PTPRD: variants seen among roughly 807,000 people sequenced by gnomAD.
PTPRD encodes the protein protein tyrosine phosphatase receptor type D.
A neutral mutation model predicts 214.5 loss-of-function variants in PTPRD; 34 were observed. The observed-to-expected ratio is 0.16, with a 90% CI of 0.12 to 0.21. PTPRD has a LOEUF of 0.21. Among genes scored for constraint, PTPRD ranks in the 10% least tolerant of loss-of-function variants. The probability of loss-of-function intolerance (pLI) is 1.00; values close to 1 mark genes in which losing one functional copy is unlikely to be tolerated. For synonymous variants in PTPRD, 1,128 were observed against 845.7 expected (o/e 1.33, Z -5.79); for missense variants, 2,545 against 2,398.7 (o/e 1.06, Z -1.27).
intron 2 of PTPRD, among the ~76,000 whole-genome samples, chr9:10,431,470 G>A (rs1231876349): frequency 4.6e-5 from 7 of 151,946 alleles, no homozygotes; most frequent in South Asian, 4.1e-4. Flanking sequence ...CTGCACAGCA[G>A]AAGAAACTAC....
chr9:9,721,965 G>A (rs2097957587), intron 7 of PTPRD, among the ~76,000 whole-genome samples: 1 of 151,764 alleles, frequency 6.6e-6, no homozygotes, highest in Non-Finnish European at 1.5e-5. Context: ...TAAATATTTT[G>A]GTTTATGCCT....
At chr9:9,183,253 A>C (rs1485329212) in intron 10 of PTPRD, 51 bp downstream of exon 10, 2 of 152,028 alleles carry the variant, frequency 1.3e-5, no homozygotes, top group African/African-American at 2.4e-5. Context: ...TACTGTATTA[A>C]GTATTAGGAC....
chr9:8,830,518 G>C (rs1393567961), intron 11 of PTPRD, among the ~76,000 whole-genome samples: 2 of 152,054 alleles, frequency 1.3e-5, no homozygotes, highest in African/African-American at 4.8e-5. Flanking sequence ...GGACAGATGA[G>C]AGGTTTCAAG....
chr9:9,795,083 C>T (rs1476679785), intron 5 of PTPRD, among the ~76,000 whole-genome samples: 1 of 152,182 alleles, frequency 6.6e-6, no homozygotes, highest in African/African-American at 2.4e-5. Flanking sequence ...GTGGGCTTCA[C>T]ATGATCATAT....
intron 9 of PTPRD, among the ~76,000 whole-genome samples, chr9:9,355,092 GAATGAGTTGTATAC>G (rs1237347353): frequency 6.6e-6 from 1 of 151,696 alleles, no homozygotes; most frequent in Non-Finnish European, 1.5e-5. Context: ...GCTTTATTAA[GAATGAGTTGTATAC>G]AATTTGGTGA....
intron 8 of PTPRD, among the ~76,000 whole-genome samples, chr9:9,558,883 T>C (rs1369692196): frequency 6.6e-6 from 1 of 152,176 alleles, no homozygotes; most frequent in Non-Finnish European, 1.5e-5. Context: ...TCAGGCCCCA[T>C]GACCTTAGGC....
chr9:9,467,723 T>A (rs529486012), intron 8 of PTPRD, among the ~76,000 whole-genome samples: 1 of 152,066 alleles, frequency 6.6e-6, no homozygotes. Flanking sequence ...CTATAGTTTA[T>A]CTTTTAAAAA....
intron 9 of PTPRD, among the ~76,000 whole-genome samples, chr9:9,327,665 T>C (rs1569567405): frequency 1.3e-5 from 2 of 151,988 alleles, no homozygotes; most frequent in African/African-American, 4.8e-5. Flanking sequence ...TGGGAAATAA[T>C]AACAATAATA....
chr9:10,484,744 G>C (rs1566422152), intron 2 of PTPRD, among the ~76,000 whole-genome samples: 1 of 151,830 alleles, frequency 6.6e-6, no homozygotes. Flanking sequence ...AGTTGTTTGA[G>C]CTCCTTATGT....
chr9:9,599,319 C>G (rs1041320084), intron 7 of PTPRD, among the ~76,000 whole-genome samples: 1 of 152,066 alleles, frequency 6.6e-6, no homozygotes, highest in Non-Finnish European at 1.5e-5. Flanking sequence ...ACACAATTTA[C>G]AGATGCCCAC....
Position 10,511,974 on chromosome 9 carries a change from G to GTA in PTPRD, c.-600+100423_-600+100424insTA, listed in dbSNP as rs1276123845. 9.9e-3 allele frequency among the ~76,000 whole-genome samples: 489 copies of GTA among 49,204 alleles called. 16 individuals carry two copies. Among genetic ancestry groups the GTA allele is most frequent in the African/African-American group, 0.025 (375 of 15,028 alleles). 32.3% of individuals were successfully genotyped at this position (49,204 alleles called of 152,430 possible). On this transcript the variant is annotated intron_variant, in intron 2 of 45. Transcript: ENST00000381196. Reference sequence around the variant, plus strand: ...TGTGTGTATATATATATACGTGTGTGTGTATATATATATACGTGTGTGTAT... The same window carrying GTA: ...TGTGTGTATATATATATACGTGTGTGTATGTATATATATATACGTGTGTGTAT...
rs549606802 is a variant in PTPRD, at chr9:9,736,027, T to C, written c.-325-1456A>G. Among the ~76,000 whole-genome samples, 10 of 152,244 alleles carry C rather than the reference T, an allele frequency of 6.6e-5. No homozygotes were observed. In the South Asian group the frequency reaches 2.1e-3, roughly 32 times the overall value. On this transcript the variant is annotated intron_variant, in intron 6 of 45. Coordinates refer to ENST00000381196, the MANE Select transcript of PTPRD (RefSeq NM_002839.4). ...CTGTCACACTGGGTAAGTGTATATG[T>C]ATATACAAAGATACATGTGCAGAGA...
intron 8 of PTPRD, among the ~76,000 whole-genome samples, chr9:9,532,632 C>T (rs1232066342): frequency 6.6e-6 from 1 of 152,136 alleles, no homozygotes; most frequent in Admixed American, 6.6e-5. Flanking sequence ...GCTGCTGCTT[C>T]CCATGACATG....
At chr9:8,529,987 C>T (rs985930177) in intron 14 of PTPRD, among the ~76,000 whole-genome samples, 14 of 152,018 alleles carry the variant, frequency 9.2e-5, no homozygotes, top group African/African-American at 3.4e-4. Flanking sequence ...TCATAAGCCA[C>T]CAATTCTAAA....
At chr9:10,369,125 G>T (rs116024416) in intron 2 of PTPRD, among the ~76,000 whole-genome samples, 63 of 152,116 alleles carry the variant, frequency 4.1e-4, no homozygotes, top group African/African-American at 1.5e-3. Context: ...GTATAGACTA[G>T]TTCTTGTTTC....
chr9:9,052,152 C>T (rs1007541692), intron 10 of PTPRD, among the ~76,000 whole-genome samples: 22 of 152,156 alleles, frequency 1.4e-4, no homozygotes, highest in Non-Finnish European at 2.4e-4. Flanking sequence ...CACCTTCTCG[C>T]TGTGCTCCCA....
At chr9:8,697,856 C>G (rs889333751) in intron 12 of PTPRD, among the ~76,000 whole-genome samples, 2 of 152,042 alleles carry the variant, frequency 1.3e-5, no homozygotes, top group Non-Finnish European at 2.9e-5. Flanking sequence ...GTTATCAAAA[C>G]TTTCTACCAG....
rs548792712 is a variant in PTPRD at position 9,668,147 on chromosome 9, G to C, written c.-287+66386C>G. 2.5e-3 allele frequency among the ~76,000 whole-genome samples: 386 copies of C among 152,136 alleles called. 2 individuals are homozygous for C. The highest frequency in any genetic ancestry group is 8.7e-3 in the African/African-American group (362 of 41,518). On this transcript the variant is annotated intron_variant, in intron 7 of 45. Coordinates refer to ENST00000381196, the MANE Select transcript of PTPRD (RefSeq NM_002839.4). ...TATCATCTGAATAAGAAGCCACCAG[G>C]TCTCACTCATGAAAAGTGGAAGAAA...
chr9:8,374,969 T>G (rs80297810), intron 39 of PTPRD, among the ~76,000 whole-genome samples: 13,552 of 151,894 alleles, frequency 0.089, 761 homozygotes, highest in Middle Eastern at 0.17. Flanking sequence ...ATATGGGGTA[T>G]GAAAGAGAGT....
Sources: allele counts gnomAD v4.1 joint callset (sites outside exome capture counted in the v4.1 genomes callset), GRCh38; gene constraint gnomAD v4.1.1; transcripts MANE v1.5; gene names NCBI Gene and HGNC (gene_info 2026-07-23, HGNC 2026-07-21).